Variants in ADD3 observed in about 807,000 individuals in gnomAD.
The protein encoded by ADD3 is adducin 3.
Under a neutral mutation model 80.2 loss-of-function variants are expected in ADD3, and 25 were observed. The ratio of observed to expected loss-of-function variants is 0.31; its 90% CI spans 0.23 to 0.44. The LOEUF (loss-of-function observed/expected upper bound fraction) is 0.44. Ranked by LOEUF, ADD3 falls within the 20% of genes least tolerant of loss-of-function variation. The probability of loss-of-function intolerance (pLI) is 1.00; values close to 1 mark genes in which losing one functional copy is unlikely to be tolerated. For synonymous variants in ADD3, 284 were observed against 289.6 expected (o/e 0.98, Z 0.20); for missense variants, 829 against 847.5 (o/e 0.98, Z 0.27).
At chr10:110,014,430 A>G (rs564657220) in intron 1 of ADD3, among the ~76,000 whole-genome samples, 1 of 152,344 alleles carries the variant, frequency 6.6e-6, no homozygotes, top group Admixed American at 6.5e-5. Context: ...TTTGCAATGA[A>G]GTTGATGCAT....
At chr10:110,047,043 A>G (rs1372508557) in intron 1 of ADD3, among the ~76,000 whole-genome samples, 1 of 152,198 alleles carries the variant, frequency 6.6e-6, no homozygotes, top group Non-Finnish European at 1.5e-5. Context: ...AGACAGCAGA[A>G]TGGAATTTCC....
chr10:110,109,661 G>C (rs1278217007), intron 2 of ADD3, among the ~76,000 whole-genome samples: 1 of 152,176 alleles, frequency 6.6e-6, no homozygotes, highest in Non-Finnish European at 1.5e-5. Context: ...TAAATAGTTT[G>C]GTTTTGAAGG....
intron 1 of ADD3, among the ~76,000 whole-genome samples, chr10:110,061,817 G>A (rs1475577988): frequency 1.3e-5 from 2 of 152,170 alleles, no homozygotes; most frequent in African/African-American, 4.8e-5. Flanking sequence ...CTTGAGCAAA[G>A]TGAGTGCTAG....
intron 1 of ADD3, among the ~76,000 whole-genome samples, chr10:110,046,993 A>C (rs1328998258): frequency 6.6e-6 from 1 of 152,148 alleles, no homozygotes; most frequent in Admixed American, 6.5e-5. Flanking sequence ...CCAAAGGGTC[A>C]CAAGTGCTGA....
intron 2 of ADD3, among the ~76,000 whole-genome samples, chr10:110,103,070 T>TC (rs930372485): frequency 3.3e-5 from 5 of 152,188 alleles, no homozygotes; most frequent in African/African-American, 1.2e-4. Context: ...TATTTTTTTT[T>TC]CCTAGATCTT....
intron 12 of ADD3, among the ~76,000 whole-genome samples, chr10:110,126,934 C>T (rs924727818): frequency 6.6e-6 from 1 of 152,070 alleles, no homozygotes; most frequent in Non-Finnish European, 1.5e-5. Context: ...CTGTGTTATC[C>T]GTTATAAGAA....
At chr10:110,127,366 C>T (rs1023276215) in intron 12 of ADD3, among the ~76,000 whole-genome samples, 2 of 152,186 alleles carry the variant, frequency 1.3e-5, no homozygotes, top group Non-Finnish European at 2.9e-5. Flanking sequence ...CGCCTGTAAT[C>T]CCAGCACTTT....
intron 1 of ADD3, among the ~76,000 whole-genome samples, chr10:110,069,231 T>C (rs1844375384): frequency 6.6e-6 from 1 of 152,256 alleles, no homozygotes; most frequent in Non-Finnish European, 1.5e-5. Flanking sequence ...CAGGTTGTCA[T>C]GATTGTATAT....
At chr10:110,090,365 A>G (rs1435071937) in intron 1 of ADD3, among the ~76,000 whole-genome samples, 4 of 151,922 alleles carry the variant, frequency 2.6e-5, no homozygotes, top group African/African-American at 4.8e-5. Context: ...GACTATAGGC[A>G]TGTATCACCA....
chr10:110,089,232 G>A (rs1847181644), intron 1 of ADD3, among the ~76,000 whole-genome samples: 1 of 152,002 alleles, frequency 6.6e-6, no homozygotes, highest in African/African-American at 2.4e-5. Context: ...AAGACTTACG[G>A]TATCTCCTGA....
At chr10:110,004,320 G>A (rs1232843638), upstream of ADD3, among the ~76,000 whole-genome samples, 1 of 151,234 alleles carries the variant, frequency 6.6e-6, no homozygotes, top group Non-Finnish European at 1.5e-5. Context: ...GGATCACAAG[G>A]TCAGGAGATC....
chr10:110,025,346 T>G (rs566080276), intron 1 of ADD3, among the ~76,000 whole-genome samples: 1 of 152,124 alleles, frequency 6.6e-6, no homozygotes, highest in South Asian at 2.1e-4. Context: ...AATTTAATAT[T>G]TTTTTAATTT....
chr10:110,126,443 G>C lies in ADD3; in HGVS notation c.1548G>C (p.Leu516Phe). The C allele has an allele frequency of 3.7e-6, 6 of 1,613,630 alleles. No homozygotes were observed. The highest frequency in any genetic ancestry group is 5.1e-6 in the Non-Finnish European group (6 of 1,179,918). ...NKIREQNRYD[L>F]KTAGPQSQLL... ...TTCGGGAACAAAATCGATATGACTT[G>C]AAAACAGCAGGACCACAATCTCAGT... Residue 516 changes from leucine to phenylalanine, a missense_variant, in exon 12 of 15, where the codon TTG becomes TTC. Physicochemically the swap from Leu to Phe is conservative, Grantham distance 22 (BLOSUM62 0). Coordinates refer to ENST00000356080, the MANE Select transcript of ADD3 (RefSeq NM_016824.5).
upstream of ADD3, chr10:110,006,273 T>C (rs996795897): frequency 6.6e-6 from 1 of 152,454 alleles, no homozygotes; most frequent in Non-Finnish European, 1.5e-5. Context: ...TTGGTGGTGG[T>C]GGGGGTGTCC....
At chr10:110,020,822 T>C (rs1253449371) in intron 1 of ADD3, among the ~76,000 whole-genome samples, 2 of 151,900 alleles carry the variant, frequency 1.3e-5, no homozygotes, top group African/African-American at 4.8e-5. Context: ...AATATGGGGG[T>C]ATATGTTGAG....
At chr10:110,117,535 T>C (rs1850889967) in intron 5 of ADD3, 113 bp downstream of exon 5, 2 of 646,650 alleles carry the variant, frequency 3.1e-6, no homozygotes, top group South Asian at 3.8e-5. Context: ...AAACATTTAC[T>C]AGTGAACAGT....
At chr10:110,087,732 T>A (rs1040308406) in intron 1 of ADD3, among the ~76,000 whole-genome samples, 1 of 152,238 alleles carries the variant, frequency 6.6e-6, no homozygotes, top group Non-Finnish European at 1.5e-5. Flanking sequence ...ATTCACACTG[T>A]TGATGGTAAA....
At chr10:110,123,940 A>G in intron 9 of ADD3, 77 bp from the exon 10 acceptor site, 1 of 1,423,684 alleles carries the variant, frequency 7.0e-7, no homozygotes, top group Non-Finnish European at 9.6e-7. Flanking sequence ...AATCATTTGT[A>G]TACAAAAGGA....
At chr10:110,117,270 A>G (rs1850857650) in intron 4 of ADD3, 72 bp from the exon 5 acceptor site, 2 of 740,126 alleles carry the variant, frequency 2.7e-6, no homozygotes, top group Non-Finnish European at 4.6e-6. Flanking sequence ...CATTGTAAAT[A>G]TATTTGTAGT....
Sources: allele counts gnomAD v4.1 joint callset (sites outside exome capture counted in the v4.1 genomes callset), GRCh38; gene constraint gnomAD v4.1.1; transcripts MANE v1.5; gene names NCBI Gene and HGNC (gene_info 2026-07-23, HGNC 2026-07-21).